The following ZSWIM5 variants were observed in gnomAD, a reference collection of about 807,000 sequenced individuals.
ZSWIM5 encodes zinc finger SWIM-type containing 5, also known as zinc finger SWIM domain-containing protein 5.
A neutral mutation model predicts 119.6 loss-of-function variants in ZSWIM5; 55 were observed. The ratio of observed to expected loss-of-function variants is 0.46; its 90% confidence interval spans 0.37 to 0.58. The LOEUF (loss-of-function observed/expected upper bound fraction) is 0.58. Among genes scored for constraint, ZSWIM5 ranks in the 20% least tolerant of loss-of-function variants. ZSWIM5 has a pLI of 0.00. For missense variants in ZSWIM5, 1,193 were observed against 1,512.8 expected, an observed-to-expected ratio of 0.79 and a Z score of 3.51; for synonymous variants, 537 against 606.9, an observed-to-expected ratio of 0.88 and a Z score of 1.69.
chr1:45,090,835 G>GA (rs11446990), intron 1 of ZSWIM5, among the ~76,000 whole-genome samples: 21,970 of 138,738 alleles, frequency 0.16, 2,023 homozygotes, highest in African/African-American at 0.27. Context: ...TTAAGAAAAA[G>GA]AAAAAAAAAA....
chr1:45,078,578 A>T (rs542201768), intron 2 of ZSWIM5, among the ~76,000 whole-genome samples: 15 of 152,278 alleles, frequency 9.9e-5, no homozygotes, highest in Admixed American at 8.5e-4. Context: ...GTGTGACATA[A>T]GTACCCTTGT....
intron 11 of ZSWIM5, among the ~76,000 whole-genome samples, chr1:45,025,399 C>T (rs1644915220): frequency 6.6e-6 from 1 of 152,148 alleles, no homozygotes; most frequent in South Asian, 2.1e-4. Context: ...ATCTATAGAT[C>T]ACATTGGGAA....
chr1:45,114,225 T>TG (rs902563802), intron 1 of ZSWIM5, among the ~76,000 whole-genome samples: 1 of 152,096 alleles, frequency 6.6e-6, no homozygotes, highest in Non-Finnish European at 1.5e-5. Context: ...AGATCATTCA[T>TG]GGGGGAAAAA....
At chr1:45,070,965 A>C (rs1356197426) in intron 2 of ZSWIM5, among the ~76,000 whole-genome samples, 1 of 152,092 alleles carries the variant, frequency 6.6e-6, no homozygotes, top group African/African-American at 2.4e-5. Flanking sequence ...CTTGGTATTC[A>C]ATCTTTCTTT....
chr1:45,096,461 TGC>T (rs1553194002), intron 1 of ZSWIM5, among the ~76,000 whole-genome samples: 10 of 128,362 alleles, frequency 7.8e-5, no homozygotes, highest in East Asian at 2.4e-4. Context: ...TGTGTGTGTG[TGC>T]GTGTGTGTGC....
At chr1:45,048,164 G>A (rs1645068615) in intron 5 of ZSWIM5, among the ~76,000 whole-genome samples, 1 of 144,866 alleles carries the variant, frequency 6.9e-6, no homozygotes, top group African/African-American at 2.6e-5. Context: ...GCTCATTGAA[G>A]CCTTGACCTC....
chr1:45,039,301 C>T (rs1213472526), intron 7 of ZSWIM5, among the ~76,000 whole-genome samples: 1 of 152,210 alleles, frequency 6.6e-6, no homozygotes, highest in Non-Finnish European at 1.5e-5. Flanking sequence ...GTGGATAGAG[C>T]TTTACAGGTT....
intron 1 of ZSWIM5, among the ~76,000 whole-genome samples, chr1:45,185,004 A>T (rs2149050618): frequency 6.6e-6 from 1 of 152,342 alleles, no homozygotes; most frequent in South Asian, 2.1e-4. Context: ...AAACTATACT[A>T]CAAGGCTACA....
At chr1:45,076,405 G>GT (rs975892003) in intron 2 of ZSWIM5, among the ~76,000 whole-genome samples, 1 of 152,168 alleles carries the variant, frequency 6.6e-6, no homozygotes, top group East Asian at 1.9e-4. Context: ...TAGGATCAAA[G>GT]TTTTTTTCCT....
At chr1:45,192,427 T>G (rs1418897040) in intron 1 of ZSWIM5, among the ~76,000 whole-genome samples, 2 of 152,234 alleles carry the variant, frequency 1.3e-5, no homozygotes, top group African/African-American at 2.4e-5. Context: ...TCTTTAACAT[T>G]CATCCATGTT....
At chr1:45,149,823 G>C (rs886793871) in intron 1 of ZSWIM5, among the ~76,000 whole-genome samples, 10 of 151,832 alleles carry the variant, frequency 6.6e-5, no homozygotes, top group African/African-American at 9.7e-5. Context: ...TATAAATTAC[G>C]TTGAAACAAA....
chr1:45,181,175 G>A (rs1646016504), intron 1 of ZSWIM5, among the ~76,000 whole-genome samples: 1 of 152,002 alleles, frequency 6.6e-6, no homozygotes, highest in African/African-American at 2.4e-5. Context: ...CAAAGAAGTT[G>A]AAAACCTTGA....
Position 45,058,509 on chromosome 1 carries a change from A to C in ZSWIM5, c.1252+100T>G, listed in dbSNP as rs1307797070. 47 of 1,475,888 alleles carry C rather than the reference A, an allele frequency of 3.2e-5. No homozygotes were observed. The South Asian group carries it at 5.3e-4, about 17-fold the overall frequency. The allele number at this position is 1,475,888 out of a possible 1,614,324, so 91.4% of individuals were successfully genotyped here. The stretch of plus-strand genomic sequence containing the variant: ...CCTAAGTCTTCTACCAGCTGGACTT[A>C]GCAAGATCCATGCAACGACTGATGG... On this transcript the variant is annotated intron_variant, in intron 4 of 13. Transcript: ENST00000359600.
intron 2 of ZSWIM5, among the ~76,000 whole-genome samples, chr1:45,082,530 T>C (rs893977398): frequency 5.9e-5 from 9 of 152,218 alleles, no homozygotes; most frequent in African/African-American, 1.9e-4. Context: ...TCCTCACTCA[T>C]CCAATACACT....
At chr1:45,166,860 T>G (rs1570172292) in intron 1 of ZSWIM5, among the ~76,000 whole-genome samples, 1 of 152,118 alleles carries the variant, frequency 6.6e-6, no homozygotes. Context: ...TGCTCATGGA[T>G]AGGAAGAATA....
chr1:45,036,379 G>C (rs1276266127), intron 8 of ZSWIM5, 80 bp from the exon 9 acceptor site: 34 of 1,489,696 alleles, frequency 2.3e-5, no homozygotes, highest in African/African-American at 2.9e-5. Flanking sequence ...TTTTGAGACA[G>C]AGTCTTGCTC....
chr1:45,098,726 A>T (rs1311810129), intron 1 of ZSWIM5, among the ~76,000 whole-genome samples: 1 of 152,216 alleles, frequency 6.6e-6, no homozygotes, highest in Non-Finnish European at 1.5e-5. Context: ...ATCAAATTAG[A>T]ACTCAGGATT....
chr1:45,068,787 T>G (rs1570053000), intron 2 of ZSWIM5, among the ~76,000 whole-genome samples: 1 of 145,076 alleles, frequency 6.9e-6, no homozygotes, highest in Middle Eastern at 3.4e-3. Flanking sequence ...GTTGCTGTTG[T>G]ATGTCTTTTT....
intron 4 of ZSWIM5, among the ~76,000 whole-genome samples, chr1:45,053,167 A>G (rs1201054803): frequency 2.0e-5 from 3 of 152,022 alleles, no homozygotes; most frequent in Non-Finnish European, 4.4e-5. Context: ...TGATACTTAC[A>G]ACAGTGACTC....
Sources: allele counts gnomAD v4.1 joint callset (sites outside exome capture counted in the v4.1 genomes callset), GRCh38; gene constraint gnomAD v4.1.1; transcripts MANE v1.5; gene names NCBI Gene and HGNC (gene_info 2026-07-23, HGNC 2026-07-21).